The following KCNMB4 variants were observed in gnomAD, a reference collection of about 807,000 sequenced individuals.
KCNMB4 encodes potassium calcium-activated channel subfamily M regulatory beta subunit 4, also known as calcium-activated potassium channel subunit beta-4.
In KCNMB4, 3 loss-of-function variants were observed where a neutral mutation model predicts 20.7. The ratio of observed to expected loss-of-function variants is 0.14; its 90% CI spans 0.07 to 0.37. The LOEUF (loss-of-function observed/expected upper bound fraction) is 0.37. Among genes scored for constraint, KCNMB4 ranks in the 10% least tolerant of loss-of-function variants. The pLI, the probability that KCNMB4 is intolerant of heterozygous loss-of-function variation, is 1.00. For synonymous variants in KCNMB4, 110 were observed against 113.4 expected, an observed-to-expected ratio of 0.97 and a Z score of 0.19; for missense variants, 168 against 265.9, an observed-to-expected ratio of 0.63 and a Z score of 2.56.
intron 1 of KCNMB4, among the ~76,000 whole-genome samples, chr12:70,375,937 G>A (rs748370763): frequency 1.3e-5 from 2 of 152,086 alleles, no homozygotes; most frequent in Non-Finnish European, 2.9e-5. Flanking sequence ...CATAGTAATA[G>A]AATGAGCTGG....
intron 1 of KCNMB4, among the ~76,000 whole-genome samples, chr12:70,393,295 C>T (rs1407747129): frequency 6.6e-6 from 1 of 152,046 alleles, no homozygotes; most frequent in African/African-American, 2.4e-5. Context: ...CTCTGCCTCC[C>T]GGGTTCAAGC....
intron 1 of KCNMB4, among the ~76,000 whole-genome samples, chr12:70,383,737 G>A (rs1349469067): frequency 6.6e-6 from 1 of 152,122 alleles, no homozygotes; most frequent in Non-Finnish European, 1.5e-5. Context: ...TTTTCCCTCT[G>A]TATGTGTCTC....
chr12:70,402,260 G>A (rs1031597235), intron 2 of KCNMB4, among the ~76,000 whole-genome samples: 2 of 152,000 alleles, frequency 1.3e-5, no homozygotes, highest in Non-Finnish European at 2.9e-5. Context: ...ATTTAGTTCT[G>A]TATCAGTTGA....
intron 2 of KCNMB4, among the ~76,000 whole-genome samples, chr12:70,409,285 C>G (rs1024638200): frequency 6.6e-6 from 1 of 152,200 alleles, no homozygotes; most frequent in Non-Finnish European, 1.5e-5. Flanking sequence ...CAGGCTCTCA[C>G]CTGGCTTGTT....
chr12:70,399,330 A>T (rs970339910), intron 1 of KCNMB4, among the ~76,000 whole-genome samples: 2 of 152,344 alleles, frequency 1.3e-5, no homozygotes, highest in African/African-American at 4.8e-5. Context: ...TGGTAAGACC[A>T]CCAGAATCTA....
chr12:70,398,725 G>A lies in KCNMB4; in HGVS notation c.337-1484G>A, dbSNP rs189568493. Among the ~76,000 whole-genome samples, 3 of 152,238 alleles carry A rather than the reference G, an allele frequency of 2.0e-5. No homozygotes were observed. The East Asian group carries it at 5.8e-4, about 29-fold the overall frequency. Reference sequence around the variant, plus strand: ...ATTAACGAATTCAACCAACATTTTTGCAGTTTCACCATTAGCAGACATAGT... The same window carrying A: ...ATTAACGAATTCAACCAACATTTTTACAGTTTCACCATTAGCAGACATAGT... On this transcript the variant is annotated intron_variant, in intron 1 of 2. Coordinates refer to ENST00000258111, the MANE Select transcript of KCNMB4 (RefSeq NM_014505.6).
chr12:70,368,143 A>G (rs1402850729), intron 1 of KCNMB4, among the ~76,000 whole-genome samples: 1 of 152,144 alleles, frequency 6.6e-6, no homozygotes, highest in East Asian at 1.9e-4. Flanking sequence ...TCAAGCAGAA[A>G]AACAGTCCAA....
intron 2 of KCNMB4, among the ~76,000 whole-genome samples, chr12:70,410,993 C>T (rs1319104379): frequency 6.6e-6 from 1 of 152,090 alleles, no homozygotes; most frequent in Non-Finnish European, 1.5e-5. Flanking sequence ...GTAGTGGTTT[C>T]TTCAGAACAC....
chr12:70,368,760 CAT>C (rs1316902006), intron 1 of KCNMB4, among the ~76,000 whole-genome samples: 1 of 152,000 alleles, frequency 6.6e-6, no homozygotes, highest in Non-Finnish European at 1.5e-5. Context: ...TCTATATATA[CAT>C]ATATATGCAC....
intron 1 of KCNMB4, among the ~76,000 whole-genome samples, chr12:70,390,349 T>G (rs1868289523): frequency 6.6e-6 from 1 of 152,170 alleles, no homozygotes; most frequent in African/African-American, 2.4e-5. Context: ...CAACTTTATG[T>G]TTTAGTGAGT....
chr12:70,422,806 A>G lies in KCNMB4; in HGVS notation c.465-7679A>G, dbSNP rs554008600. The stretch of plus-strand genomic sequence containing the variant: ...CCGATCTCAGGGTTTTAAGAATCAC[A>G]TTGGGAAAACCGACAGATGGATAAA... On this transcript the variant is annotated intron_variant, in intron 2 of 2. Transcript: ENST00000258111. 1.6e-3 allele frequency: 2,052 copies of G among 1,258,900 alleles called. 18 individuals are homozygous for G. Among genetic ancestry groups the G allele is most frequent in the Middle Eastern group, 0.016 (73 of 4,536 alleles). The allele number at this position is 1,258,900 out of a possible 1,614,324, so 78.0% of individuals were successfully genotyped here.
intron 2 of KCNMB4, chr12:70,422,612 C>A: frequency 1.1e-6 from 1 of 913,518 alleles, no homozygotes; most frequent in Non-Finnish European, 1.5e-6. Flanking sequence ...ATTAATAAAG[C>A]CTTTTTGTGC....
At chr12:70,401,083 T>G (rs527499359) in intron 2 of KCNMB4, among the ~76,000 whole-genome samples, 41 of 152,278 alleles carry the variant, frequency 2.7e-4, no homozygotes, top group African/African-American at 9.4e-4. Flanking sequence ...TGGAGTGCAG[T>G]GACGAGATCT....
Position 70,366,332 on chromosome 12 carries a change from AG to A in KCNMB4, c.-402del, listed in dbSNP as rs1340124372. 7.0e-6 allele frequency: 1 copy of A among 142,704 alleles called. No homozygotes were observed. Among genetic ancestry groups the A allele is most frequent in the Non-Finnish European group, 1.5e-5 (1 of 65,724 alleles). 8.8% of individuals were successfully genotyped at this position (142,704 alleles called of 1,614,324 possible). A position where few individuals can be genotyped will look rare whatever the true frequency, so the allele number is the denominator to read the frequency against. ...GGGCAGCTGCCGGGCGAGTCAGCGG[AG>A]TAGCGGCCAGCGGGCGATGGAGACA... On this transcript the variant is annotated 5_prime_UTR_variant, in exon 1 of 3. Transcript: ENST00000258111.
At chr12:70,405,817 C>G (rs1282539697) in intron 2 of KCNMB4, among the ~76,000 whole-genome samples, 1 of 152,076 alleles carries the variant, frequency 6.6e-6, no homozygotes, top group Non-Finnish European at 1.5e-5. Flanking sequence ...GGGGTCTCAG[C>G]TAGGGGAGGC....
chr12:70,412,202 A>C (rs1234414663), intron 2 of KCNMB4, among the ~76,000 whole-genome samples: 2 of 152,196 alleles, frequency 1.3e-5, no homozygotes, highest in East Asian at 3.8e-4. Flanking sequence ...GGCACCATTA[A>C]CTGGAATGTT....
At chr12:70,422,808 T>G (rs1461515840) in intron 2 of KCNMB4, 2 of 1,257,504 alleles carry the variant, frequency 1.6e-6, no homozygotes, top group African/African-American at 3.1e-5. Flanking sequence ...AGAATCACAT[T>G]GGGAAAACCG....
chr12:70,371,998 G>T (rs1172439908), intron 1 of KCNMB4, among the ~76,000 whole-genome samples: 1 of 152,168 alleles, frequency 6.6e-6, no homozygotes. Flanking sequence ...AGGGAAGGCC[G>T]CTCTGATGAA....
At chr12:70,409,871 G>T (rs1565863780) in intron 2 of KCNMB4, among the ~76,000 whole-genome samples, 1 of 152,214 alleles carries the variant, frequency 6.6e-6, no homozygotes, top group Non-Finnish European at 1.5e-5. Flanking sequence ...GAATGAGTGG[G>T]AGAGTGGAGC....
Sources: gnomAD v4.1 joint callset for allele counts (sites outside exome capture counted in the v4.1 genomes callset) on GRCh38, gnomAD v4.1.1 for gene constraint, MANE v1.5 for transcripts, NCBI Gene and HGNC (gene_info 2026-07-23, HGNC 2026-07-21) for gene names.